Variants in TMEM232 observed in about 807,000 individuals in gnomAD.
TMEM232 encodes transmembrane protein 232.
A neutral mutation model predicts 78.8 loss-of-function variants in TMEM232; 80 were observed. That is an observed-to-expected ratio of 1.01 (90% confidence interval 0.85 to 1.22). TMEM232 has a LOEUF of 1.22. Ranked by LOEUF, TMEM232 falls within the 50% of genes most tolerant of loss-of-function variation. TMEM232 has a pLI of 0.00. For synonymous variants in TMEM232, 297 were observed against 254.3 expected (o/e 1.17, Z -1.60); for missense variants, 881 against 742.2 (o/e 1.19, Z -2.17).
At chr5:110,574,669 G>C (rs967285048) in intron 10 of TMEM232, among the ~76,000 whole-genome samples, 1 of 152,026 alleles carries the variant, frequency 6.6e-6, no homozygotes, top group African/African-American at 2.4e-5. Context: ...AAAGCTTGGT[G>C]AACTTCCATA....
In TMEM232 at chr5:110,389,686, A is replaced by C. The variant is rs551896779; in HGVS notation, n.615+730T>G. On this transcript the variant is annotated intron_variant and non_coding_transcript_variant, in intron 4 of 8. Coordinates refer to the TMEM232 transcript ENST00000507188. ...GAATAAGCCTTTCAAAGGACTGAAT[A>C]TACTGTAAATTGAGCAAGATCAAGC... is the stretch of plus-strand genomic sequence containing the variant. 2.0e-5 allele frequency among the ~76,000 whole-genome samples: 3 copies of C among 152,314 alleles called. 1 individual carries two copies. The South Asian group carries it at 6.2e-4, about 32-fold the overall frequency.
At chr5:110,682,304 G>A (rs150992841) in intron 1 of TMEM232, among the ~76,000 whole-genome samples, 3,675 of 152,048 alleles carry the variant, frequency 0.024, 47 homozygotes, top group African/African-American at 0.032. Flanking sequence ...AAAACATTAA[G>A]TGAATAAAAA....
At chr5:110,549,530 G>A (rs138563929) in intron 11 of TMEM232, among the ~76,000 whole-genome samples, 2 of 147,050 alleles carry the variant, frequency 1.4e-5, no homozygotes, top group Non-Finnish European at 3.0e-5. Context: ...CAGTAGAGTC[G>A]CTTGAGCACA....
At position 110,543,814 on chromosome 5, in the gene TMEM232, A is replaced by G. The variant is rs186585802; in HGVS notation, c.1456-14979T>C. Among the ~76,000 whole-genome samples, 43 of 152,276 alleles carry G rather than the reference A, an allele frequency of 2.8e-4. No homozygotes were observed. In the East Asian group the frequency reaches 2.9e-3, roughly 10 times the overall value. On this transcript the variant is annotated intron_variant, in intron 11 of 13. Coordinates refer to ENST00000455884, the MANE Select transcript of TMEM232 (RefSeq NM_001039763.4). ...CATGCCAAAACAGTTTGGTTATAAC[A>G]TAACTTTTACATTAGCAAATGTATC...
At chr5:110,424,735 G>T in intron 13 of TMEM232, 88 bp downstream of exon 13, 2 of 1,014,886 alleles carry the variant, frequency 2.0e-6, no homozygotes, top group South Asian at 1.6e-5. Context: ...CACATATTAA[G>T]GTTTCAGTCT....
chr5:110,509,096 C>G (rs1369963964), intron 12 of TMEM232, among the ~76,000 whole-genome samples: 1 of 147,274 alleles, frequency 6.8e-6, no homozygotes, highest in Non-Finnish European at 1.5e-5. Flanking sequence ...TATGTATACA[C>G]ACACATATAT....
intron 7 of TMEM232, among the ~76,000 whole-genome samples, chr5:110,619,505 C>T (rs925941177): frequency 2.0e-5 from 3 of 152,088 alleles, no homozygotes; most frequent in African/African-American, 7.2e-5. Flanking sequence ...AGGAAGACAA[C>T]ATCTGTACAA....
intron 5 of TMEM232, among the ~76,000 whole-genome samples, chr5:110,636,863 G>A (rs900733197): frequency 2.0e-5 from 3 of 151,976 alleles, no homozygotes; most frequent in Admixed American, 2.0e-4. Flanking sequence ...ATCAGAACTG[G>A]TACAAATTAT....
chr5:110,709,876 G>A (rs76343600), intron 1 of TMEM232, among the ~76,000 whole-genome samples: 3 of 151,690 alleles, frequency 2.0e-5, no homozygotes, highest in African/African-American at 7.3e-5. Flanking sequence ...GAAAAGAAAT[G>A]AGACATGCTG....
At chr5:110,601,565 A>G (rs2149812221) in intron 10 of TMEM232, among the ~76,000 whole-genome samples, 1 of 152,300 alleles carries the variant, frequency 6.6e-6, no homozygotes, top group East Asian at 1.9e-4. Context: ...AGAAAATAAA[A>G]TACCTAGGAA....
chr5:110,700,799 T>C (rs1424973093), intron 1 of TMEM232, among the ~76,000 whole-genome samples: 2 of 150,716 alleles, frequency 1.3e-5, no homozygotes, highest in African/African-American at 2.5e-5. Context: ...GATAGATAGA[T>C]AGATAGATAG....
intron 12 of TMEM232, among the ~76,000 whole-genome samples, chr5:110,512,793 G>A (rs1332221143): frequency 6.6e-6 from 1 of 151,686 alleles, no homozygotes; most frequent in African/African-American, 2.4e-5. Flanking sequence ...TCTTGTTTTT[G>A]TTTTCTGTTG....
intron 12 of TMEM232, among the ~76,000 whole-genome samples, chr5:110,500,869 T>C (rs1202392114): frequency 6.6e-6 from 1 of 152,200 alleles, no homozygotes; most frequent in Non-Finnish European, 1.5e-5. Flanking sequence ...ATTTGTGTTG[T>C]GAAAATGTAA....
chr5:110,729,055 T>G (rs1798425947), upstream of TMEM232, among the ~76,000 whole-genome samples: 2 of 151,900 alleles, frequency 1.3e-5, no homozygotes, highest in African/African-American at 4.8e-5. Context: ...TGGGTAATTT[T>G]TGTATTTTTG....
At chr5:110,692,986 G>C (rs542929955) in intron 1 of TMEM232, among the ~76,000 whole-genome samples, 1 of 152,338 alleles carries the variant, frequency 6.6e-6, no homozygotes, top group East Asian at 1.9e-4. Flanking sequence ...TTCGAGATCT[G>C]AGAACAGGCA....
rs377217465 is a variant in TMEM232, at chr5:110,706,378, T to A, written c.-13+20249A>T. Reference sequence around the variant, plus strand: ...TTCTTTTCTATTGTCTTTACCACAGTGGACCTCTCAGTTACTCACTGTATT... The same window carrying A: ...TTCTTTTCTATTGTCTTTACCACAGAGGACCTCTCAGTTACTCACTGTATT... On this transcript the variant is annotated intron_variant, in intron 1 of 13. Transcript: ENST00000455884. Among the ~76,000 whole-genome samples, 17 of 152,304 alleles carry A rather than the reference T, an allele frequency of 1.1e-4. No homozygotes were observed. In the East Asian group the frequency reaches 3.1e-3, roughly 28 times the overall value.
At chr5:110,547,651 T>C (rs902538827) in intron 11 of TMEM232, among the ~76,000 whole-genome samples, 1 of 152,146 alleles carries the variant, frequency 6.6e-6, no homozygotes. Context: ...GTTTCATCTA[T>C]GACAAGATAT....
At chr5:110,514,690 A>G (rs1768342050) in intron 12 of TMEM232, among the ~76,000 whole-genome samples, 1 of 152,174 alleles carries the variant, frequency 6.6e-6, no homozygotes, top group African/African-American at 2.4e-5. Context: ...TTCATGAAAC[A>G]GAACAAGACA....
intron 11 of TMEM232, among the ~76,000 whole-genome samples, chr5:110,547,043 A>G (rs1018782176): frequency 7.2e-5 from 11 of 152,074 alleles, no homozygotes; most frequent in African/African-American, 2.7e-4. Context: ...CACAACTGTA[A>G]GATGTGCTTA....
Sources: gnomAD v4.1 joint callset for allele counts (sites outside exome capture counted in the v4.1 genomes callset) on GRCh38, gnomAD v4.1.1 for gene constraint, MANE v1.5 for transcripts, NCBI Gene and HGNC (gene_info 2026-07-23, HGNC 2026-07-21) for gene names.